Variants in TBC1D5 observed in about 807,000 individuals in gnomAD.
The protein encoded by TBC1D5 is TBC1 domain family member 5.
In TBC1D5, 75 loss-of-function variants were observed where a neutral mutation model predicts 100.3. That is an observed-to-expected ratio of 0.75 (90% CI 0.62 to 0.91). TBC1D5 has a LOEUF of 0.91. TBC1D5 is among the 40% of genes least tolerant of loss of function. The pLI, the probability that TBC1D5 is intolerant of heterozygous loss-of-function variation, is 0.00. For missense variants in TBC1D5, 910 were observed against 942.4 expected (o/e 0.97, Z 0.45); for synonymous variants, 323 against 325.6 (o/e 0.99, Z 0.09).
chr3:17,633,015 TTCTG>T (rs1190450923), intron 1 of TBC1D5, among the ~76,000 whole-genome samples: 1 of 152,212 alleles, frequency 6.6e-6, no homozygotes, highest in Non-Finnish European at 1.5e-5. Flanking sequence ...ATTTCTTTTA[TTCTG>T]TCTATATTCT....
intron 14 of TBC1D5, among the ~76,000 whole-genome samples, chr3:17,298,910 C>A (rs2082529629): frequency 6.6e-6 from 1 of 152,054 alleles, no homozygotes; most frequent in Admixed American, 6.5e-5. Flanking sequence ...TGTTCTGAGA[C>A]CCCCAGTGGA....
At chr3:17,601,221 C>T (rs2060912804) in intron 2 of TBC1D5, among the ~76,000 whole-genome samples, 1 of 152,206 alleles carries the variant, frequency 6.6e-6, no homozygotes, top group Non-Finnish European at 1.5e-5. Context: ...CTAAAGACTA[C>T]CAATATGGGC....
intron 17 of TBC1D5, among the ~76,000 whole-genome samples, chr3:17,218,732 C>T (rs1227249036): frequency 6.6e-6 from 1 of 151,998 alleles, no homozygotes; most frequent in African/African-American, 2.4e-5. Flanking sequence ...TGTCATCCTA[C>T]TGCCTTCTTA....
At chr3:17,734,012 A>C (rs2076770061) in intron 1 of TBC1D5, among the ~76,000 whole-genome samples, 1 of 152,220 alleles carries the variant, frequency 6.6e-6, no homozygotes, top group Admixed American at 6.5e-5. Flanking sequence ...TGCCTCAAAA[A>C]AAAATGAAAA....
intron 17 of TBC1D5, among the ~76,000 whole-genome samples, chr3:17,222,399 T>C (rs1377967774): frequency 1.3e-5 from 2 of 152,198 alleles, no homozygotes; most frequent in Non-Finnish European, 2.9e-5. Context: ...TATGTGTGTG[T>C]ATAAAATAAA....
At chr3:17,540,452 G>A (rs772792407) in intron 2 of TBC1D5, among the ~76,000 whole-genome samples, 20 of 151,846 alleles carry the variant, frequency 1.3e-4, no homozygotes, top group Non-Finnish European at 2.2e-4. Context: ...TATAGTTTTG[G>A]GTCTTACATT....
chr3:17,426,180 T>G (rs1384548428), intron 4 of TBC1D5, among the ~76,000 whole-genome samples: 1 of 152,166 alleles, frequency 6.6e-6, no homozygotes, highest in Non-Finnish European at 1.5e-5. Flanking sequence ...CTAGTTAGTT[T>G]AAAGAGATAT....
At chr3:17,736,444 G>A (rs888703503) in intron 1 of TBC1D5, among the ~76,000 whole-genome samples, 2 of 152,200 alleles carry the variant, frequency 1.3e-5, no homozygotes, top group Admixed American at 6.5e-5. Flanking sequence ...ATAAAAATGA[G>A]CACTCTTACC....
At chr3:17,183,171 C>T (rs1575792965) in intron 19 of TBC1D5, among the ~76,000 whole-genome samples, 1 of 152,162 alleles carries the variant, frequency 6.6e-6, no homozygotes, top group Admixed American at 6.5e-5. Flanking sequence ...CCTGTGCTGG[C>T]GCCAGCTTAA....
At chr3:17,636,951 C>T (rs2063996742) in intron 1 of TBC1D5, among the ~76,000 whole-genome samples, 1 of 152,020 alleles carries the variant, frequency 6.6e-6, no homozygotes, top group African/African-American at 2.4e-5. Context: ...TTAACTAGAT[C>T]TCTCCTTAGC....
chr3:17,329,036 C>A (rs1456261800), intron 13 of TBC1D5, among the ~76,000 whole-genome samples: 1 of 152,180 alleles, frequency 6.6e-6, no homozygotes, highest in Non-Finnish European at 1.5e-5. Context: ...CCTGACTCTA[C>A]AAGTTTGCCT....
chr3:17,330,179 A>G (rs1313935542), intron 13 of TBC1D5, among the ~76,000 whole-genome samples: 1 of 151,686 alleles, frequency 6.6e-6, no homozygotes, highest in Non-Finnish European at 1.5e-5. Context: ...TCCTGTCTCC[A>G]TTTTCTTCCC....
Position 17,167,000 on chromosome 3 carries a change from C to T in TBC1D5, c.1933-72G>A, listed in dbSNP as rs1342007143. 21 of 1,406,786 alleles carry T rather than the reference C, an allele frequency of 1.5e-5. No individual in the cohort carries two copies. In the East Asian group the frequency reaches 3.1e-4, roughly 20 times the overall value. The allele number at this position is 1,406,786 out of a possible 1,614,324, so 87.1% of individuals were successfully genotyped here. ...GTTTTCAGATGCTAGCTAAATCTCT[C>T]AGACATTTGAACTAGCCTTGTCATC... On this transcript the variant is annotated intron_variant, in intron 20 of 21. Coordinates refer to ENST00000253692, the Ensembl canonical transcript of TBC1D5.
intron 17 of TBC1D5, 108 bp from the exon 19 acceptor site, chr3:17,214,478 T>C: frequency 8.8e-7 from 1 of 1,136,578 alleles, no homozygotes. Flanking sequence ...ACTAGGTTGA[T>C]ACTATCAACA....
intron 2 of TBC1D5, among the ~76,000 whole-genome samples, chr3:17,575,050 T>G (rs1408585381): frequency 6.6e-6 from 1 of 152,070 alleles, no homozygotes; most frequent in Admixed American, 6.6e-5. Context: ...ATGTCCCAGG[T>G]GCAATAGCTC....
chr3:17,168,117 G>A (rs2066824243), intron 19 of TBC1D5, among the ~76,000 whole-genome samples: 1 of 152,206 alleles, frequency 6.6e-6, no homozygotes, highest in African/African-American at 2.4e-5. Context: ...TTGCTGACAT[G>A]ATGTGGCTGA....
chr3:17,720,907 T>C (rs1372790122), intron 1 of TBC1D5, among the ~76,000 whole-genome samples: 1 of 152,048 alleles, frequency 6.6e-6, no homozygotes, highest in African/African-American at 2.4e-5. Context: ...TGGCACAATC[T>C]TGGTTCATTG....
chr3:17,709,179 T>C (rs2074461989), intron 1 of TBC1D5, among the ~76,000 whole-genome samples: 1 of 152,006 alleles, frequency 6.6e-6, no homozygotes, highest in African/African-American at 2.4e-5. Flanking sequence ...ATACAAAGAG[T>C]TTTAAATAAC....
chr3:17,731,274 G>C (rs536936112), intron 1 of TBC1D5, among the ~76,000 whole-genome samples: 2 of 151,908 alleles, frequency 1.3e-5, no homozygotes, highest in Non-Finnish European at 2.9e-5. Context: ...AGGCCGAGGC[G>C]GGCGGATCAC....
Sources: gnomAD v4.1 joint callset for allele counts (sites outside exome capture counted in the v4.1 genomes callset) on GRCh38, gnomAD v4.1.1 for gene constraint, MANE v1.5 for transcripts, NCBI Gene and HGNC (gene_info 2026-07-23, HGNC 2026-07-21) for gene names.